The following DSG1 variants were observed in gnomAD, a reference collection of about 807,000 sequenced individuals.
The protein encoded by DSG1 is desmoglein-1.
A neutral mutation model predicts 97.5 loss-of-function variants in DSG1; 39 were observed. The ratio of observed to expected loss-of-function variants is 0.40; its 90% CI spans 0.31 to 0.52. The LOEUF (loss-of-function observed/expected upper bound fraction) is 0.52. Ranked by LOEUF, DSG1 falls within the 20% of genes least tolerant of loss-of-function variation. DSG1 has a pLI of 0.53. For synonymous variants in DSG1, 475 were observed against 443.4 expected, an observed-to-expected ratio of 1.07 and a Z score of -0.90; for missense variants, 1,311 against 1,295.4, an observed-to-expected ratio of 1.01 and a Z score of -0.18.
Position 31,333,605 on chromosome 18 carries a change from C to T in DSG1, c.701C>T (p.Ala234Val). 1 of 1,613,812 alleles carries T rather than the reference C, an allele frequency of 6.2e-7. No homozygotes were observed. Among genetic ancestry groups the T allele is most frequent in the Non-Finnish European group, 8.5e-7 (1 of 1,179,796 alleles). ...TATTTTTAGCAATACGGCCAGTATG[C>T]TCTTGCTGTAAGAGGCTCTGACCGA... The part of the protein sequence containing the change: ...FLDREQYGQY[A>V]LAVRGSDRDG... Residue 234 changes from alanine to valine, a missense_variant, in exon 7 of 15, where the codon GCT becomes GTT. This residue lies in a region of DSG1 where 259 missense variants were observed against 304.1 expected (regional missense o/e 0.85). Coordinates refer to ENST00000257192, the MANE Select transcript of DSG1 (RefSeq NM_001942.4).
chr18:31,328,318 G>A lies in DSG1; in HGVS notation c.346G>A (p.Asp116Asn), dbSNP rs150168711. 1.8e-4 allele frequency: 283 copies of A among 1,613,266 alleles called. No homozygotes were observed. Among genetic ancestry groups the A allele is most frequent in the Non-Finnish European group, 2.3e-4 (276 of 1,179,396 alleles). ...TGAAATTAATATAACATCCATAGTT[G>A]ATCGAGAGGTCACTCCTTTCTTCAT... ...TGEINITSIVDREVTPFFIIY... is the reference protein window; with the variant it reads ...TGEINITSIVNREVTPFFIIY... The change falls in exon 4 of 15, where the codon GAT becomes AAT. Residue 116 changes from aspartate to asparagine, a missense_variant. Transcript: ENST00000257192.
At chr18:31,333,957 C>G in intron 7 of DSG1, 60 bp from the exon 8 acceptor site, 1 of 1,256,080 alleles carries the variant, frequency 8.0e-7, no homozygotes, top group Non-Finnish European at 1.2e-6. Context: ...CAGTATAAGC[C>G]TACTGTAGTT....
chr18:31,354,010 G>A (rs1274242757), intron 14 of DSG1: 1 of 369,756 alleles, frequency 2.7e-6, no homozygotes, highest in Non-Finnish European at 5.0e-6. Context: ...ACCAATTCAT[G>A]TGATTTTTTT....
intron 14 of DSG1, among the ~76,000 whole-genome samples, chr18:31,349,520 T>TC (rs2071875739): frequency 6.9e-6 from 1 of 145,010 alleles, no homozygotes; most frequent in South Asian, 2.2e-4. Flanking sequence ...ATTGGTAGCT[T>TC]GATGGGGATG....
intron 14 of DSG1, among the ~76,000 whole-genome samples, chr18:31,349,388 GT>G (rs1429075945): frequency 4.0e-5 from 6 of 150,700 alleles, no homozygotes; most frequent in Non-Finnish European, 8.8e-5. Context: ...ATAGTTTGAA[GT>G]CAGGTAGTGT....
At chr18:31,345,924 CA>C (rs2071829524) in intron 13 of DSG1, 65 bp from the exon 14 acceptor site, 2 of 1,283,116 alleles carry the variant, frequency 1.6e-6, no homozygotes, top group Non-Finnish European at 2.2e-6. Flanking sequence ...TATTACAAGG[CA>C]AGTTGTTACT....
chr18:31,341,922 T>G (rs2071791390), intron 11 of DSG1, among the ~76,000 whole-genome samples: 1 of 145,614 alleles, frequency 6.9e-6, no homozygotes. Context: ...TTTTTTTTGT[T>G]CTTTTGTTTT....
Position 31,318,219 on chromosome 18 carries a change from C to T in DSG1, c.-82C>T. The T allele has an allele frequency of 8.3e-7, 1 of 1,202,172 alleles. No homozygotes were observed. 74.5% of individuals were successfully genotyped at this position (1,202,172 alleles called of 1,614,324 possible). On this transcript the variant is annotated 5_prime_UTR_variant, in exon 1 of 15. Coordinates refer to ENST00000257192, the MANE Select transcript of DSG1 (RefSeq NM_001942.4). ...ACTGAGAAATTATTTTAATCAGACACCAGCTGAGTGGGAGAAAGAAAAAGA... is the reference window on the plus strand; with the variant it reads ...ACTGAGAAATTATTTTAATCAGACATCAGCTGAGTGGGAGAAAGAAAAAGA...
chr18:31,338,787 A>G (rs978604539), intron 10 of DSG1, among the ~76,000 whole-genome samples: 1 of 152,218 alleles, frequency 6.6e-6, no homozygotes, highest in Non-Finnish European at 1.5e-5. Context: ...TAATGATAAA[A>G]ATAGCAACAA....
intron 14 of DSG1, among the ~76,000 whole-genome samples, chr18:31,347,399 C>G (rs903327601): frequency 2.0e-5 from 3 of 152,176 alleles, no homozygotes; most frequent in Admixed American, 6.6e-5. Flanking sequence ...TACCCTGCAT[C>G]TGCCACCTCC....
rs1598704448 is a variant in DSG1 at position 31,336,468 on chromosome 18, G to A, written c.1120G>A (p.Val374Met). ...QYKLKASAIS[V>M]TVLNVIEGPV... Reference sequence around the variant, plus strand: ...TAAACTGAAAGCATCTGCAATTTCTGTGACTGTGTTAAATGTAATTGAAGG... The same window carrying A: ...TAAACTGAAAGCATCTGCAATTTCTATGACTGTGTTAAATGTAATTGAAGG... Residue 374 changes from valine to methionine, a missense_variant, in exon 9 of 15, where the codon GTG (valine) becomes ATG (methionine). This residue lies in a region of DSG1 where 1,038 missense variants were observed against 964.6 expected (regional missense o/e 1.08). Transcript: ENST00000257192. The A allele has an allele frequency of 4.3e-6, 7 of 1,613,996 alleles. No homozygotes were observed. The East Asian group carries it at 1.6e-4, about 36-fold the overall frequency.
chr18:31,352,269 C>G (rs2144122320), intron 14 of DSG1, among the ~76,000 whole-genome samples: 1 of 151,108 alleles, frequency 6.6e-6, no homozygotes, highest in East Asian at 1.9e-4. Context: ...GTTGAAAATT[C>G]TTTCCTTTAA....
At chr18:31,340,100 T>C in intron 11 of DSG1, 75 bp downstream of exon 11, 1 of 1,422,320 alleles carries the variant, frequency 7.0e-7, no homozygotes, top group South Asian at 1.2e-5. Flanking sequence ...TTCTGATTCT[T>C]TGATAAAACG....
chr18:31,331,197 T>C (rs2071718876), intron 5 of DSG1, among the ~76,000 whole-genome samples: 1 of 152,090 alleles, frequency 6.6e-6, no homozygotes, highest in Admixed American at 6.6e-5. Flanking sequence ...GTAATGTATA[T>C]TTATCAAACG....
Position 31,343,412 on chromosome 18 carries a change from C to T in DSG1, c.1688-38C>T, listed in dbSNP as rs561898589. Reference sequence around the variant, plus strand: ...GGTTGTTTTGTTTTTTATTTGCACCCAGTGCTAACTCTAGTATTACTATCC... The same window carrying T: ...GGTTGTTTTGTTTTTTATTTGCACCTAGTGCTAACTCTAGTATTACTATCC... On this transcript the variant is annotated intron_variant, in intron 11 of 14. Transcript: ENST00000257192. 10 of 1,613,776 alleles carry T rather than the reference C, an allele frequency of 6.2e-6. No homozygotes were observed. In the African/African-American group the frequency reaches 8.0e-5, roughly 13 times the overall value.
chr18:31,351,645 T>G (rs1211054307), intron 14 of DSG1, among the ~76,000 whole-genome samples: 291 of 151,712 alleles, frequency 1.9e-3, no homozygotes, highest in Middle Eastern at 6.8e-3. Flanking sequence ...TTATGAATCT[T>G]GGTGCTCCTG....
intron 7 of DSG1, 144 bp from the exon 8 acceptor site, chr18:31,333,873 A>T: frequency 8.6e-7 from 1 of 1,165,972 alleles, no homozygotes; most frequent in Non-Finnish European, 1.3e-6. Context: ...ATGCAAGAAT[A>T]AATGGAGTTA....
chr18:31,343,071 C>T (rs191255895), intron 11 of DSG1, among the ~76,000 whole-genome samples: 11 of 151,806 alleles, frequency 7.2e-5, no homozygotes, highest in Non-Finnish European at 1.0e-4. Flanking sequence ...CCCCCATACA[C>T]GCCTAATTTT....
intron 4 of DSG1, among the ~76,000 whole-genome samples, chr18:31,329,382 C>T (rs534325728): frequency 4.9e-4 from 74 of 152,134 alleles, no homozygotes; most frequent in Admixed American, 1.8e-3. Context: ...TCACTCACAC[C>T]GCCTGCCTGT....
Sources: allele counts gnomAD v4.1 joint callset (sites outside exome capture counted in the v4.1 genomes callset), GRCh38; gene constraint gnomAD v4.1.1; regional missense constraint gnomAD v4.1.1; transcripts MANE v1.5; gene names NCBI Gene and HGNC (gene_info 2026-07-23, HGNC 2026-07-21).